Variants in ITGB5 observed in about 807,000 individuals in gnomAD.
ITGB5 encodes integrin subunit beta 5.
Under a neutral mutation model 84.8 loss-of-function variants are expected in ITGB5, and 38 were observed. The ratio of observed to expected loss-of-function variants is 0.45; its 90% CI spans 0.35 to 0.59. The LOEUF (loss-of-function observed/expected upper bound fraction) is 0.59, where lower values mean the gene tolerates loss of function less well. ITGB5 is among the 20% of genes least tolerant of loss of function. ITGB5 has a pLI of 0.01. For missense variants in ITGB5, 905 were observed against 1,034.5 expected (o/e 0.87, Z 1.72); for synonymous variants, 393 against 414.4 (o/e 0.95, Z 0.63).
At position 124,796,610 on chromosome 3, in the gene ITGB5, G is replaced by A; in HGVS notation, c.1471C>T (p.Pro491Ser). The A allele has an allele frequency of 6.2e-7, 1 of 1,614,106 alleles. No individual in the cohort carries two copies. Among genetic ancestry groups the A allele is most frequent in the Non-Finnish European group, 8.5e-7 (1 of 1,180,024 alleles). The stretch of plus-strand genomic sequence containing the variant: ...TCGCACCTGGTGCCCAGGTAGCCGG[G>A]GCTGCACTCACACAGGCCGCAGACA... ...TYVCGLCECS[P>S]GYLGTRCECQ... The change falls in exon 10 of 15, where the codon CCC (proline) becomes TCC (serine). Residue 491 changes from proline (P) to serine (S), a missense_variant. Pro to Ser is a moderately conservative substitution (Grantham distance 74, BLOSUM62 -1). Transcript: ENST00000296181.
intron 2 of ITGB5, among the ~76,000 whole-genome samples, chr3:124,869,638 C>T (rs2065446425): frequency 6.6e-6 from 1 of 152,104 alleles, no homozygotes. Context: ...TAAAACACAC[C>T]CATGTCCTGG....
intron 3 of ITGB5, 63 bp from the exon 4 acceptor site, chr3:124,848,621 G>A (rs1203665780): frequency 2.0e-6 from 3 of 1,530,940 alleles, no homozygotes. Context: ...CTGAGGGATG[G>A]GATTTGCTTT....
At chr3:124,794,618 T>C (rs2064194115) in intron 10 of ITGB5, among the ~76,000 whole-genome samples, 2 of 151,202 alleles carry the variant, frequency 1.3e-5, no homozygotes, top group Non-Finnish European at 3.0e-5. Context: ...CCATATCTAT[T>C]TAAAAAAAAA....
In ITGB5 at chr3:124,859,415, C is replaced by T. The variant is rs781122084; in HGVS notation, c.188G>A (p.Arg63Gln). 21 of 1,613,974 alleles carry T rather than the reference C, an allele frequency of 1.3e-5. No homozygotes were observed. The highest frequency in any genetic ancestry group is 7.7e-5 in the South Asian group (7 of 91,072). ...GACAAGGTTTGCCCTCAGATCACAC[C>T]GAGAGGTGATGGACCGTGGGCTTCC... ...DFGSPRSITS[R>Q]CDLRANLVKN... Residue 63 changes from arginine to glutamine, a missense_variant, in exon 3 of 15, where the codon CGG becomes CAG. By Grantham distance (43) the Arg-to-Gln change is conservative (BLOSUM62 1). This residue lies in a region of ITGB5 where 656 missense variants were observed against 734.7 expected (regional missense o/e 0.89). Transcript: ENST00000296181.
chr3:124,809,190 T>C, intron 8 of ITGB5, 34 bp from the exon 9 acceptor site: 1 of 1,612,356 alleles, frequency 6.2e-7, no homozygotes, highest in Non-Finnish European at 8.5e-7. Flanking sequence ...CCCAACCATT[T>C]AATAAAGGCT....
intron 3 of ITGB5, among the ~76,000 whole-genome samples, chr3:124,849,518 C>T (rs2065124117): frequency 1.3e-5 from 2 of 152,118 alleles, no homozygotes; most frequent in Admixed American, 6.5e-5. Context: ...TTTGGGACAT[C>T]ACAGGCACAA....
chr3:124,897,694 A>T (rs1197807428), intron 1 of ITGB5, among the ~76,000 whole-genome samples: 1 of 152,220 alleles, frequency 6.6e-6, no homozygotes, highest in Admixed American at 6.5e-5. Flanking sequence ...TTGTGGAATG[A>T]TGCATTTATC....
chr3:124,778,662 G>A (rs2063958982), intron 10 of ITGB5, among the ~76,000 whole-genome samples: 1 of 152,180 alleles, frequency 6.6e-6, no homozygotes, highest in African/African-American at 2.4e-5. Context: ...GGAGATGGGG[G>A]ACAAGGAGGA....
chr3:124,769,187 C>T (rs1284692129), intron 11 of ITGB5, 74 bp from the exon 12 acceptor site: 1 of 1,168,698 alleles, frequency 8.6e-7, no homozygotes, highest in Non-Finnish European at 1.3e-6. Context: ...GAGCTCCTGA[C>T]AGTGCAGGAC....
intron 5 of ITGB5, among the ~76,000 whole-genome samples, chr3:124,826,674 T>G (rs1242335854): frequency 6.6e-6 from 1 of 152,206 alleles, no homozygotes; most frequent in Non-Finnish European, 1.5e-5. Context: ...GAACTGTGCA[T>G]GTAATAAATG....
At chr3:124,795,761 T>G (rs1469996247) in intron 10 of ITGB5, among the ~76,000 whole-genome samples, 1 of 152,060 alleles carries the variant, frequency 6.6e-6, no homozygotes, top group Non-Finnish European at 1.5e-5. Context: ...CTGCTGGTTT[T>G]GAAAATGGAA....
chr3:124,888,956 T>C (rs1934933355), upstream of ITGB5, among the ~76,000 whole-genome samples: 1 of 152,206 alleles, frequency 6.6e-6, no homozygotes, highest in Non-Finnish European at 1.5e-5. Context: ...GGGGCAAAGA[T>C]GCAGCAGTCC....
intron 2 of ITGB5, among the ~76,000 whole-genome samples, chr3:124,871,794 C>A (rs995935952): frequency 6.6e-6 from 1 of 151,064 alleles, no homozygotes; most frequent in Non-Finnish European, 1.5e-5. Context: ...TCACTGTATT[C>A]CAGCCTGGGT....
At chr3:124,850,890 G>A (rs901695890) in intron 3 of ITGB5, among the ~76,000 whole-genome samples, 3 of 152,080 alleles carry the variant, frequency 2.0e-5, no homozygotes, top group African/African-American at 7.2e-5. Flanking sequence ...GGGGGAGTTG[G>A]GGGAAGGGAG....
intron 9 of ITGB5, among the ~76,000 whole-genome samples, chr3:124,798,515 G>A (rs1485309062): frequency 6.6e-6 from 1 of 152,022 alleles, no homozygotes; most frequent in Non-Finnish European, 1.5e-5. Flanking sequence ...TGCCTCCCAG[G>A]TGCAAGCGAT....
intron 10 of ITGB5, among the ~76,000 whole-genome samples, chr3:124,795,602 C>T (rs536359272): frequency 6.6e-6 from 1 of 152,182 alleles, no homozygotes; most frequent in East Asian, 1.9e-4. Context: ...AGGGACTGTG[C>T]AGATGTGAGT....
chr3:124,793,785 C>T (rs1559935757), intron 10 of ITGB5, among the ~76,000 whole-genome samples: 2 of 152,240 alleles, frequency 1.3e-5, no homozygotes, highest in Admixed American at 1.3e-4. Context: ...GCGTTGATCC[C>T]TGTTGCATGC....
chr3:124,834,900 T>C (rs987864453), intron 5 of ITGB5, among the ~76,000 whole-genome samples: 5 of 152,042 alleles, frequency 3.3e-5, no homozygotes, highest in Non-Finnish European at 7.4e-5. Flanking sequence ...CAAGAGCAAA[T>C]TCCTGTCTCC....
intron 1 of ITGB5, among the ~76,000 whole-genome samples, chr3:124,881,385 A>T (rs1444667819): frequency 1.3e-5 from 2 of 152,166 alleles, no homozygotes; most frequent in East Asian, 1.9e-4. Context: ...GACACAGGTA[A>T]ATAAGACCAG....
Sources: allele counts gnomAD v4.1 joint callset (sites outside exome capture counted in the v4.1 genomes callset), GRCh38; gene constraint gnomAD v4.1.1; regional missense constraint gnomAD v4.1.1; transcripts MANE v1.5; gene names NCBI Gene and HGNC (gene_info 2026-07-23, HGNC 2026-07-21).